The following SAMMSON variants were observed in gnomAD, a reference collection of about 807,000 sequenced individuals.
SAMMSON encodes the protein long intergenic non-protein coding RNA 1212.
intron 3 of SAMMSON, among the ~76,000 whole-genome samples, chr3:70,021,721 T>C (rs1262045259): frequency 6.6e-6 from 1 of 152,128 alleles, no homozygotes; most frequent in African/African-American, 2.4e-5. Flanking sequence ...ATTTTGGGAT[T>C]GTTTTCAAGC....
chr3:70,219,809 A>G (rs1316046582), intron 4 of SAMMSON, among the ~76,000 whole-genome samples: 1 of 152,182 alleles, frequency 6.6e-6, no homozygotes, highest in Admixed American at 6.5e-5. Context: ...TCAAGTTATG[A>G]TGGCAAAATG....
At chr3:70,118,652 C>T (rs1215986311) in intron 4 of SAMMSON, among the ~76,000 whole-genome samples, 2 of 152,184 alleles carry the variant, frequency 1.3e-5, no homozygotes, top group Non-Finnish European at 2.9e-5. Context: ...ACTGATTTAA[C>T]CATGGCACCC....
At chr3:70,100,530 G>C (rs77699794) in intron 4 of SAMMSON, among the ~76,000 whole-genome samples, 1 of 224 alleles carries the variant, frequency 4.5e-3, no homozygotes, top group Admixed American at 0.062. Context: ...GGGGGGGGGG[G>C]GGGAAGCACC....
chr3:70,143,368 A>ATG (rs142389051), intron 4 of SAMMSON, among the ~76,000 whole-genome samples: 3,165 of 150,534 alleles, frequency 0.021, 100 homozygotes, highest in African/African-American at 0.072. Flanking sequence ...ATATGTGTGA[A>ATG]TGTGTGTGTG....
intron 3 of SAMMSON, among the ~76,000 whole-genome samples, chr3:70,059,926 T>C (rs1465088095): frequency 6.6e-6 from 1 of 152,132 alleles, no homozygotes; most frequent in African/African-American, 2.4e-5. Flanking sequence ...GAAGACAGAC[T>C]GTCTTGAAGA....
chr3:70,363,746 T>A (rs548613576), intron 9 of SAMMSON, among the ~76,000 whole-genome samples: 1 of 151,978 alleles, frequency 6.6e-6, no homozygotes, highest in South Asian at 2.1e-4. Flanking sequence ...CTCATTAGCA[T>A]GTGTGATTTA....
chr3:70,398,408 A>G (rs1037492671), intron 2 of SAMMSON, among the ~76,000 whole-genome samples: 1 of 152,224 alleles, frequency 6.6e-6, no homozygotes, highest in Non-Finnish European at 1.5e-5. Flanking sequence ...CAATTTAGAA[A>G]AACTGGTTTC....
chr3:70,369,974 T>C (rs1702953267), intron 9 of SAMMSON, among the ~76,000 whole-genome samples: 1 of 151,856 alleles, frequency 6.6e-6, no homozygotes, highest in South Asian at 2.1e-4. Context: ...CCCCTTTCAT[T>C]CCCACAACTT....
intron 2 of SAMMSON, among the ~76,000 whole-genome samples, chr3:70,422,205 A>G (rs1664733710): frequency 6.6e-6 from 1 of 152,172 alleles, no homozygotes; most frequent in Non-Finnish European, 1.5e-5. Context: ...GAGGCATAAA[A>G]TGAAAAAAAT....
chr3:70,246,633 G>C (rs1701710258), intron 4 of SAMMSON, among the ~76,000 whole-genome samples: 1 of 151,988 alleles, frequency 6.6e-6, no homozygotes, highest in Non-Finnish European at 1.5e-5. Flanking sequence ...ACGTATTTAA[G>C]GGGTTGTTGA....
intron 3 of SAMMSON, among the ~76,000 whole-genome samples, chr3:70,022,078 G>C (rs375829317): frequency 6.6e-6 from 1 of 151,998 alleles, no homozygotes; most frequent in African/African-American, 2.4e-5. Context: ...ACATCTTAAC[G>C]AGAAGGGCCT....
In SAMMSON at chr3:70,122,314, T is replaced by TCAGC. The variant is rs1290569671; in HGVS notation, n.507+50750_507+50751insAGCC. ...CTCAAGCAATCCTCCTACCTCAGCC[T>TCAGC]CTTGAGTAGCTGGGACTACAGGCGT... On this transcript the variant is annotated intron_variant and non_coding_transcript_variant, in intron 4 of 9. Transcript: ENST00000642114. Among the ~76,000 whole-genome samples, 21 of 152,208 alleles carry TCAGC rather than the reference T, an allele frequency of 1.4e-4. No individual in the cohort carries two copies. The Middle Eastern group carries it at 0.014, about 99-fold the overall frequency.
chr3:70,298,640 G>A (rs1366574055), intron 7 of SAMMSON, among the ~76,000 whole-genome samples: 4 of 151,990 alleles, frequency 2.6e-5, no homozygotes, highest in African/African-American at 4.8e-5. Context: ...TCGTGTTTAG[G>A]GAATCCAACT....
chr3:70,196,976 T>G, intron 4 of SAMMSON: 1 of 398,602 alleles, frequency 2.5e-6, no homozygotes, highest in Non-Finnish European at 4.4e-6. Context: ...AGACACTCGC[T>G]GGTCTCATGG....
intron 2 of SAMMSON, chr3:70,424,794 T>C (rs1181298561): frequency 6.6e-6 from 1 of 152,182 alleles, no homozygotes; most frequent in Non-Finnish European, 1.5e-5. Flanking sequence ...TCTTGTGCGT[T>C]GTAGGATGTT....
chr3:70,283,426 A>G (rs992696470), intron 6 of SAMMSON, among the ~76,000 whole-genome samples: 3 of 152,258 alleles, frequency 2.0e-5, no homozygotes, highest in Non-Finnish European at 2.9e-5. Context: ...CTCCCTGGAT[A>G]CTGTAGAATT....
intron 9 of SAMMSON, among the ~76,000 whole-genome samples, chr3:70,378,356 A>G (rs1703038049): frequency 6.6e-6 from 1 of 151,996 alleles, no homozygotes; most frequent in Admixed American, 6.6e-5. Flanking sequence ...AGCTAGCTGT[A>G]GAGAAATGTC....
intron 4 of SAMMSON, among the ~76,000 whole-genome samples, chr3:70,156,644 A>G (rs1322067761): frequency 6.6e-6 from 1 of 152,116 alleles, no homozygotes; most frequent in East Asian, 1.9e-4. Context: ...TCGTTTGAAG[A>G]ATGAAAACCT....
At chr3:70,236,583 C>T (rs72943317) in intron 4 of SAMMSON, among the ~76,000 whole-genome samples, 15,843 of 151,986 alleles carry the variant, frequency 0.1, 1,503 homozygotes, top group African/African-American at 0.26. Context: ...TGTAAATTGA[C>T]CCTTATTTTA....
Sources: gnomAD v4.1 joint callset for allele counts (sites outside exome capture counted in the v4.1 genomes callset) on GRCh38, gnomAD v4.1.1 for gene constraint, MANE v1.5 for transcripts, NCBI Gene and HGNC (gene_info 2026-07-23, HGNC 2026-07-21) for gene names.